Variants in SRFBP1 observed in about 807,000 individuals in gnomAD.
SRFBP1 encodes serum response factor binding protein 1.
In SRFBP1, 47 loss-of-function variants were observed where a neutral mutation model predicts 45.5. The observed-to-expected ratio is 1.03, with a 90% CI of 0.82 to 1.32. The LOEUF (loss-of-function observed/expected upper bound fraction) is 1.32. SRFBP1 is among the 40% of genes most tolerant of loss of function. The pLI is 0.00. For synonymous variants in SRFBP1, 203 were observed against 166.3 expected, an observed-to-expected ratio of 1.22 and a Z score of -1.70; for missense variants, 621 against 484.6, an observed-to-expected ratio of 1.28 and a Z score of -2.64.
At chr5:121,971,179 A>G (rs2112814872) in intron 1 of SRFBP1, among the ~76,000 whole-genome samples, 1 of 152,208 alleles carries the variant, frequency 6.6e-6, no homozygotes, top group Admixed American at 6.5e-5. Context: ...TATATACTTT[A>G]AAAAATTTTA....
rs532302260 is a variant in SRFBP1, at chr5:122,054,561, A to C, written n.312-20754A>C. ...TTGAAAGACACTGTAACTGTGTTTC[A>C]ATGAACTTTATCTACAAAATCAGGT... On this transcript the variant is annotated intron_variant and non_coding_transcript_variant, in intron 2 of 2. Transcript: ENST00000504881. Among the ~76,000 whole-genome samples the C allele has an allele frequency of 2.2e-3, 328 of 152,296 alleles. 1 individual carries two copies. The highest frequency in any genetic ancestry group is 5.9e-3 in the Admixed American group (90 of 15,308).
downstream of SRFBP1, among the ~76,000 whole-genome samples, chr5:122,032,711 A>G (rs1730493435): frequency 6.6e-6 from 1 of 152,220 alleles, no homozygotes; most frequent in African/African-American, 2.4e-5. Context: ...ACATTGTGCA[A>G]TTACAAACAA....
chr5:121,998,292 T>G (rs1752775652), intron 4 of SRFBP1, among the ~76,000 whole-genome samples: 1 of 150,876 alleles, frequency 6.6e-6, no homozygotes, highest in Non-Finnish European at 1.5e-5. Context: ...TAGACTGGAT[T>G]AAGAAAATGT....
chr5:121,962,181 G>C (rs1751959827), intron 1 of SRFBP1, 113 bp downstream of exon 1: 1 of 1,324,596 alleles, frequency 7.5e-7, no homozygotes, highest in Non-Finnish European at 1.1e-6. Context: ...CTTTCGTGGT[G>C]GGCCCAGGCG....
downstream of SRFBP1, among the ~76,000 whole-genome samples, chr5:122,030,283 A>G (rs1455685811): frequency 6.6e-6 from 1 of 152,242 alleles, no homozygotes; most frequent in East Asian, 1.9e-4. Context: ...TGAATCTTGA[A>G]TCTAAATCTT....
At chr5:122,002,277 T>G (rs1464607451) in intron 4 of SRFBP1, among the ~76,000 whole-genome samples, 1 of 152,200 alleles carries the variant, frequency 6.6e-6, no homozygotes, top group Non-Finnish European at 1.5e-5. Flanking sequence ...TTCTTAAGGT[T>G]TCATTAACAT....
At chr5:122,058,773 A>G (rs1754126200) in intron 2 of SRFBP1, among the ~76,000 whole-genome samples, 1 of 152,118 alleles carries the variant, frequency 6.6e-6, no homozygotes, top group Non-Finnish European at 1.5e-5. Context: ...TATTTTTTAG[A>G]TAAGCCCCAA....
At chr5:121,978,743 C>T (rs752813619) in intron 3 of SRFBP1, among the ~76,000 whole-genome samples, 1 of 152,140 alleles carries the variant, frequency 6.6e-6, no homozygotes, top group African/African-American at 2.4e-5. Context: ...CCGCCCACCT[C>T]GGCCTCCCAT....
chr5:122,051,748 T>G, intron 2 of SRFBP1, among the ~76,000 whole-genome samples: 1 of 152,144 alleles, frequency 6.6e-6, no homozygotes, highest in East Asian at 1.9e-4. Context: ...TTTAGCACAT[T>G]TACATTCAAG....
intron 4 of SRFBP1, among the ~76,000 whole-genome samples, chr5:121,994,889 G>A (rs1052914482): frequency 6.6e-6 from 1 of 151,962 alleles, no homozygotes; most frequent in African/African-American, 2.4e-5. Flanking sequence ...AAGGTATGTT[G>A]AACTTAATAT....
At chr5:122,077,274 G>C, downstream of SRFBP1, 1 of 1,583,136 alleles carries the variant, frequency 6.3e-7, no homozygotes, top group Non-Finnish European at 8.6e-7. This position sits in a 1 kb window ranked among gnomAD's most constrained non-coding sequence, Gnocchi z 4.9. Flanking sequence ...GGGGCCCGCC[G>C]CGCCCAGGCA....
At chr5:122,044,008 A>G (rs1291959135) in intron 2 of SRFBP1, among the ~76,000 whole-genome samples, 1 of 151,822 alleles carries the variant, frequency 6.6e-6, no homozygotes, top group Non-Finnish European at 1.5e-5. Context: ...CCCTCCACCC[A>G]CCCTCCACCC....
chr5:122,018,415 G>A (rs1753229497), intron 4 of SRFBP1, among the ~76,000 whole-genome samples: 1 of 152,150 alleles, frequency 6.6e-6, no homozygotes, highest in Non-Finnish European at 1.5e-5. Context: ...TGGAACCACA[G>A]GGTGTATTGT....
At chr5:121,963,602 G>A (rs560766346) in intron 1 of SRFBP1, among the ~76,000 whole-genome samples, 21 of 152,206 alleles carry the variant, frequency 1.4e-4, no homozygotes, top group African/African-American at 3.4e-4. Context: ...AACTCCTCTC[G>A]GTCTGGGTTA....
At chr5:122,034,974 A>G (rs932288533) in intron 2 of SRFBP1, among the ~76,000 whole-genome samples, 1 of 151,862 alleles carries the variant, frequency 6.6e-6, no homozygotes, top group African/African-American at 2.4e-5. Flanking sequence ...CCCCTTTCCC[A>G]ATTAGGAGAT....
chr5:121,964,926 C>T (rs1357855621), intron 1 of SRFBP1, among the ~76,000 whole-genome samples: 1 of 152,176 alleles, frequency 6.6e-6, no homozygotes, highest in East Asian at 1.9e-4. Flanking sequence ...TTTGGATTTG[C>T]ATATCTCTAA....
At chr5:121,965,210 AT>A (rs1457342940) in intron 1 of SRFBP1, among the ~76,000 whole-genome samples, 1 of 151,908 alleles carries the variant, frequency 6.6e-6, no homozygotes, top group African/African-American at 2.4e-5. Context: ...CCCATTTGTC[AT>A]TTTTGGCTTT....
At chr5:122,053,106 G>T (rs534888966) in intron 2 of SRFBP1, among the ~76,000 whole-genome samples, 1 of 152,222 alleles carries the variant, frequency 6.6e-6, no homozygotes, top group East Asian at 1.9e-4. Flanking sequence ...ACAGTTGGCA[G>T]ACAAGCTATG....
At chr5:122,038,160 T>G (rs1753721388) in intron 2 of SRFBP1, among the ~76,000 whole-genome samples, 1 of 152,176 alleles carries the variant, frequency 6.6e-6, no homozygotes, top group South Asian at 2.1e-4. Flanking sequence ...AAACATCCGT[T>G]TTGTTAAACC....
Sources: allele counts gnomAD v4.1 joint callset (sites outside exome capture counted in the v4.1 genomes callset), GRCh38; gene constraint gnomAD v4.1.1; non-coding constraint Gnocchi (gnomAD v3.1); transcripts MANE v1.5; gene names NCBI Gene and HGNC (gene_info 2026-07-23, HGNC 2026-07-21).